ABCA13: variants seen among roughly 807,000 people sequenced by gnomAD.
The protein encoded by ABCA13 is ATP-binding cassette sub-family A member 13.
A neutral mutation model predicts 478.7 loss-of-function variants in ABCA13; 476 were observed. The observed-to-expected ratio is 0.99, with a 90% CI of 0.92 to 1.07. The LOEUF (loss-of-function observed/expected upper bound fraction) is 1.07, where lower values mean the gene tolerates loss of function less well. Among genes scored for constraint, ABCA13 ranks in the 50% least tolerant of loss-of-function variants. The probability of loss-of-function intolerance (pLI) is 0.00; values close to 1 mark genes in which losing one functional copy is unlikely to be tolerated. For synonymous variants in ABCA13, 2,252 were observed against 2,158.9 expected, an observed-to-expected ratio of 1.04 and a Z score of -1.20; for missense variants, 6,060 against 5,910.6, an observed-to-expected ratio of 1.03 and a Z score of -0.83.
chr7:48,183,159 G>T (rs1795921697), intron 1 of ABCA13, among the ~76,000 whole-genome samples: 1 of 152,160 alleles, frequency 6.6e-6, no homozygotes, highest in African/African-American at 2.4e-5. Flanking sequence ...CTTCTGGCTA[G>T]CTCCTCCCTT....
At chr7:48,485,863 A>G (rs1160764550) in intron 47 of ABCA13, among the ~76,000 whole-genome samples, 1 of 152,140 alleles carries the variant, frequency 6.6e-6, no homozygotes, top group Admixed American at 6.5e-5. Flanking sequence ...TCCCCAGCTC[A>G]TCATCTGCAA....
chr7:48,398,506 T>G (rs1335174281), intron 38 of ABCA13, among the ~76,000 whole-genome samples: 1 of 152,172 alleles, frequency 6.6e-6, no homozygotes, highest in African/African-American at 2.4e-5. Flanking sequence ...ACCGCTTGGT[T>G]TCCTTAATGT....
At chr7:48,368,009 T>C in intron 32 of ABCA13, 101 bp downstream of exon 32, 1 of 814,992 alleles carries the variant, frequency 1.2e-6, no homozygotes, top group Non-Finnish European at 1.9e-6. Flanking sequence ...TCTGTTTTGC[T>C]TCCCTCTCCT....
chr7:48,618,418 T>G (rs1002493305), intron 59 of ABCA13, among the ~76,000 whole-genome samples: 1 of 152,222 alleles, frequency 6.6e-6, no homozygotes, highest in African/African-American at 2.4e-5. Flanking sequence ...GACCTCATCC[T>G]TAGCCCACTG....
At chr7:48,408,318 A>G (rs1818533552) in intron 39 of ABCA13, among the ~76,000 whole-genome samples, 1 of 151,592 alleles carries the variant, frequency 6.6e-6, no homozygotes, top group Admixed American at 6.6e-5. Context: ...ATTCTAGTTG[A>G]CTTTTATTTT....
At chr7:48,471,666 T>C (rs983845966) in intron 45 of ABCA13, 67 bp downstream of exon 45, 1 of 1,390,178 alleles carries the variant, frequency 7.2e-7, no homozygotes, top group Non-Finnish European at 9.8e-7. Flanking sequence ...GAGTTTACCC[T>C]ATCTATAAAA....
intron 27 of ABCA13, among the ~76,000 whole-genome samples, chr7:48,326,610 G>C (rs981458265): frequency 6.6e-6 from 1 of 152,210 alleles, no homozygotes; most frequent in Non-Finnish European, 1.5e-5. Context: ...TAAAGAAAGT[G>C]AGTCTTAGGG....
At chr7:48,372,629 C>T in intron 33 of ABCA13, 132 bp downstream of exon 33, 1 of 783,792 alleles carries the variant, frequency 1.3e-6, no homozygotes, top group Non-Finnish European at 1.9e-6. Flanking sequence ...CTGATATCTG[C>T]TTTTTAAAAT....
chr7:48,432,785 TGGAG>T (rs1822318501), intron 42 of ABCA13, among the ~76,000 whole-genome samples: 1 of 151,884 alleles, frequency 6.6e-6, no homozygotes, highest in African/African-American at 2.4e-5. Flanking sequence ...ATCATAGAAA[TGGAG>T]AGTAGAATTG....
rs1791620850 is a variant in ABCA13, at chr7:48,246,033, A to G, written c.1659+3A>G. ...TACTTGGTTCAGTAGAGGATGCTGTAAGTATTCTACCATCTTAGCTCTTCT... is the reference window on the plus strand; with the variant it reads ...TACTTGGTTCAGTAGAGGATGCTGTGAGTATTCTACCATCTTAGCTCTTCT... On this transcript the variant is annotated splice_donor_region_variant and intron_variant, in intron 13 of 61. Transcript: ENST00000435803. The G allele has an allele frequency of 1.2e-6, 2 of 1,612,328 alleles. No homozygotes were observed. The highest frequency in any genetic ancestry group is 8.5e-7 in the Non-Finnish European group (1 of 1,178,972).
In ABCA13 at chr7:48,501,759, C is replaced by T. The variant is rs889888358; in HGVS notation, c.13292-4577C>T. On this transcript the variant is annotated intron_variant, in intron 48 of 61. Coordinates refer to ENST00000435803, the MANE Select transcript of ABCA13 (RefSeq NM_152701.5). ...TTACGTGAAATTTATCAGCTGCTCT[C>T]TTCTGCTGTCATAGTTGAGGTTTTC... is the stretch of plus-strand genomic sequence containing the variant. Among the ~76,000 whole-genome samples, 23 of 152,334 alleles carry T rather than the reference C, an allele frequency of 1.5e-4. No individual in the cohort carries two copies. The Middle Eastern group carries it at 0.01, about 68-fold the overall frequency.
At chr7:48,609,515 G>C (rs1460278215) in intron 58 of ABCA13, among the ~76,000 whole-genome samples, 1 of 151,880 alleles carries the variant, frequency 6.6e-6, no homozygotes, top group Non-Finnish European at 1.5e-5. Flanking sequence ...CTTACCCCAG[G>C]GAATCTTGGT....
intron 54 of ABCA13, among the ~76,000 whole-genome samples, 182 bp downstream of exon 54, chr7:48,524,622 G>C (rs1467279235): frequency 6.6e-6 from 1 of 150,458 alleles, no homozygotes; most frequent in Non-Finnish European, 1.5e-5. Context: ...CTATTTCATA[G>C]TAAAAACTTG....
Position 48,279,704 on chromosome 7 carries a change from G to A in ABCA13, c.8510G>A (p.Trp2837Ter), listed in dbSNP as rs1256674990. The A allele has an allele frequency of 6.2e-7, 1 of 1,613,452 alleles. No individual in the cohort carries two copies. Among genetic ancestry groups the A allele is most frequent in the South Asian group, 1.1e-5 (1 of 90,986 alleles). ...RKGLLFNNSE[W>*]ITSTRTLFQP... is the part of the protein sequence containing the mutation. ...GGACTTCTGTTTAACAACTCTGAATGGATAACTTCCACAAGAACTTTGTTT... is the reference window on the plus strand; with the variant it reads ...GGACTTCTGTTTAACAACTCTGAATAGATAACTTCCACAAGAACTTTGTTT... The change falls in exon 18 of 62, where the codon TGG (tryptophan) becomes TAG (stop). Residue 2837 changes from tryptophan (W) to a stop codon, truncating the protein, a stop_gained. Coordinates refer to ENST00000435803, the MANE Select transcript of ABCA13 (RefSeq NM_152701.5). LOFTEE classifies it high-confidence loss of function.
intron 3 of ABCA13, among the ~76,000 whole-genome samples, chr7:48,207,117 C>T (rs1253042013): frequency 3.9e-5 from 6 of 152,154 alleles, no homozygotes; most frequent in Non-Finnish European, 2.9e-5. Context: ...CTTCCAGTTG[C>T]ATCCTTGTCG....
chr7:48,446,524 T>C (rs1321313210), intron 42 of ABCA13, among the ~76,000 whole-genome samples: 1 of 152,220 alleles, frequency 6.6e-6, no homozygotes, highest in African/African-American at 2.4e-5. Flanking sequence ...TAATTCTCTG[T>C]ATTTCATTTC....
intron 55 of ABCA13, among the ~76,000 whole-genome samples, chr7:48,567,593 C>T (rs2131302272): frequency 6.6e-6 from 1 of 151,662 alleles, no homozygotes; most frequent in Non-Finnish European, 1.5e-5. Flanking sequence ...TTTAAAATAT[C>T]AACTTAAACA....
intron 8 of ABCA13, among the ~76,000 whole-genome samples, chr7:48,238,695 C>T (rs1481790860): frequency 1.3e-5 from 2 of 152,194 alleles, no homozygotes; most frequent in Admixed American, 6.5e-5. Flanking sequence ...GTCTCTATCT[C>T]CTGACCTCGT....
intron 55 of ABCA13, among the ~76,000 whole-genome samples, chr7:48,556,025 A>C (rs1234406637): frequency 2.0e-5 from 3 of 151,616 alleles, no homozygotes; most frequent in Non-Finnish European, 3.0e-5. Context: ...CATTTAAATA[A>C]ATTTTTCAAT....
Sources: allele counts gnomAD v4.1 joint callset (sites outside exome capture counted in the v4.1 genomes callset), GRCh38; gene constraint gnomAD v4.1.1; transcripts MANE v1.5; gene names NCBI Gene and HGNC (gene_info 2026-07-23, HGNC 2026-07-21).